The following RABGAP1L variants were observed in gnomAD, a reference collection of about 807,000 sequenced individuals.
The protein encoded by RABGAP1L is RAB GTPase activating protein 1 like.
RABGAP1L carries 63 observed loss-of-function variants against 137.7 expected under a neutral mutation model. That is an observed-to-expected ratio of 0.46 (90% CI 0.37 to 0.56). The LOEUF is 0.56. Among genes scored for constraint, RABGAP1L ranks in the 20% least tolerant of loss-of-function variants. The probability of loss-of-function intolerance (pLI) is 0.00; values close to 1 mark genes in which losing one functional copy is unlikely to be tolerated. For missense variants in RABGAP1L, 1,095 were observed against 1,244.0 expected, an observed-to-expected ratio of 0.88 and a Z score of 1.80; for synonymous variants, 431 against 433.7, an observed-to-expected ratio of 0.99 and a Z score of 0.08.
intron 19 of RABGAP1L, among the ~76,000 whole-genome samples, chr1:174,889,190 C>T (rs1389381576): frequency 3.3e-5 from 5 of 149,650 alleles, no homozygotes; most frequent in African/African-American, 1.2e-4. Context: ...GTAGCATGAT[C>T]TCGGCTCACT....
intron 13 of RABGAP1L, among the ~76,000 whole-genome samples, chr1:174,617,850 G>A (rs1275675975): frequency 6.6e-6 from 1 of 151,792 alleles, no homozygotes; most frequent in Admixed American, 6.6e-5. Flanking sequence ...TCATCTCACT[G>A]GAGAGTGTCA....
At chr1:174,855,740 A>G (rs954362064) in intron 19 of RABGAP1L, among the ~76,000 whole-genome samples, 1 of 152,204 alleles carries the variant, frequency 6.6e-6, no homozygotes, top group Admixed American at 6.5e-5. Flanking sequence ...GAAATTTTGA[A>G]ATGGATTTAG....
At chr1:174,407,952 A>G (rs1649469807) in intron 13 of RABGAP1L, among the ~76,000 whole-genome samples, 2 of 152,186 alleles carry the variant, frequency 1.3e-5, no homozygotes, top group Non-Finnish European at 2.9e-5. Context: ...TCAAGCAGAT[A>G]CACTCACCAC....
At chr1:174,844,136 A>G (rs1167484271) in intron 19 of RABGAP1L, among the ~76,000 whole-genome samples, 1 of 149,124 alleles carries the variant, frequency 6.7e-6, no homozygotes, top group Non-Finnish European at 1.5e-5. Context: ...CCTTTGTCAG[A>G]TGAGTAGGTT....
rs1002707456 is a variant in RABGAP1L at position 174,728,244 on chromosome 1, A to G, written c.2170-24069A>G. On this transcript the variant is annotated intron_variant, in intron 17 of 25. Transcript: ENST00000681986. ...TAAATTTTTACAGCATTAAAAAATG[A>G]AAAGCTAAACAAATTAGCAACTTCA... is the stretch of plus-strand genomic sequence containing the variant. 1.3e-4 allele frequency among the ~76,000 whole-genome samples: 20 copies of G among 152,366 alleles called. 1 individual carries two copies. Among genetic ancestry groups the G allele is most frequent in the Admixed American group, 1.3e-3 (20 of 15,306 alleles).
At chr1:174,817,427 C>T (rs908027549) in intron 19 of RABGAP1L, among the ~76,000 whole-genome samples, 1 of 152,082 alleles carries the variant, frequency 6.6e-6, no homozygotes, top group Non-Finnish European at 1.5e-5. Flanking sequence ...ATGTTTCATG[C>T]AGACAATATG....
At chr1:174,237,839 T>C (rs1371519646) in intron 4 of RABGAP1L, among the ~76,000 whole-genome samples, 1 of 150,922 alleles carries the variant, frequency 6.6e-6, no homozygotes. Flanking sequence ...TTGGGGAAAT[T>C]CTCCTGGATA....
At chr1:174,280,263 C>A (rs935818642) in intron 10 of RABGAP1L, among the ~76,000 whole-genome samples, 1 of 152,100 alleles carries the variant, frequency 6.6e-6, no homozygotes, top group African/African-American at 2.4e-5. Context: ...TGTTGGTCTA[C>A]ACTATACAAC....
chr1:174,160,272 C>G (rs1366593763), intron 1 of RABGAP1L, among the ~76,000 whole-genome samples: 1 of 136,648 alleles, frequency 7.3e-6, no homozygotes, highest in Non-Finnish European at 1.6e-5. Context: ...AAACACCTCC[C>G]CCCAACCCCC....
At chr1:174,766,556 A>T (rs1181819343) in intron 18 of RABGAP1L, among the ~76,000 whole-genome samples, 1 of 152,150 alleles carries the variant, frequency 6.6e-6, no homozygotes, top group African/African-American at 2.4e-5. Flanking sequence ...CTCTTTCAAG[A>T]TTGTTTTGGC....
At chr1:174,373,365 A>G (rs1471636339) in intron 12 of RABGAP1L, among the ~76,000 whole-genome samples, 1 of 152,166 alleles carries the variant, frequency 6.6e-6, no homozygotes, top group African/African-American at 2.4e-5. Flanking sequence ...CAGAAAGGAG[A>G]TATTATGATT....
At chr1:174,390,355 A>G (rs888545223) in intron 12 of RABGAP1L, among the ~76,000 whole-genome samples, 4 of 152,228 alleles carry the variant, frequency 2.6e-5, no homozygotes, top group Admixed American at 2.6e-4. Flanking sequence ...CAATTGAGTT[A>G]GATTATATTA....
chr1:174,722,982 G>C (rs539619458), intron 17 of RABGAP1L, among the ~76,000 whole-genome samples: 1 of 152,296 alleles, frequency 6.6e-6, no homozygotes, highest in South Asian at 2.1e-4. Flanking sequence ...CAGAACTGAT[G>C]AACATTTTCA....
intron 19 of RABGAP1L, among the ~76,000 whole-genome samples, chr1:174,849,307 C>T (rs974461999): frequency 6.6e-6 from 1 of 152,162 alleles, no homozygotes; most frequent in Admixed American, 6.5e-5. Flanking sequence ...GAAGAATGAA[C>T]TAAACACCTA....
rs147243506 is a variant in RABGAP1L, at chr1:174,739,808, A to G, written c.2170-12505A>G. 3.9e-5 allele frequency among the ~76,000 whole-genome samples: 6 copies of G among 152,324 alleles called. No individual in the cohort carries two copies. In the East Asian group the frequency reaches 9.6e-4, roughly 24 times the overall value. ...ATAATGGCCTATATGCCGGATTAAT[A>G]TTTTTACAGTTGAATGAAACTATAT... is the stretch of plus-strand genomic sequence containing the variant. On this transcript the variant is annotated intron_variant, in intron 17 of 25. Coordinates refer to ENST00000681986, the MANE Select transcript of RABGAP1L (RefSeq NM_001366446.1).
chr1:174,328,488 G>T (rs929197612), intron 11 of RABGAP1L, among the ~76,000 whole-genome samples: 1 of 152,090 alleles, frequency 6.6e-6, no homozygotes, highest in Non-Finnish European at 1.5e-5. Flanking sequence ...AAAATTTCTT[G>T]GCCGGGCACG....
At chr1:174,943,587 G>A (rs1045505410) in intron 19 of RABGAP1L, among the ~76,000 whole-genome samples, 1 of 152,184 alleles carries the variant, frequency 6.6e-6, no homozygotes, top group African/African-American at 2.4e-5. Context: ...TGTAATCCCA[G>A]CACTTTGGGA....
intron 13 of RABGAP1L, among the ~76,000 whole-genome samples, chr1:174,635,012 A>T (rs1371725412): frequency 2.0e-5 from 3 of 151,042 alleles, no homozygotes; most frequent in Non-Finnish European, 4.4e-5. Flanking sequence ...GTGCACATGT[A>T]CCCTAAAACT....
chr1:174,578,871 AG>A (rs1458163009), intron 13 of RABGAP1L, among the ~76,000 whole-genome samples: 1 of 152,192 alleles, frequency 6.6e-6, no homozygotes, highest in Non-Finnish European at 1.5e-5. Context: ...TAGAGAAGAT[AG>A]TTTTGTGAAC....
Sources: allele counts gnomAD v4.1 joint callset (sites outside exome capture counted in the v4.1 genomes callset), GRCh38; gene constraint gnomAD v4.1.1; transcripts MANE v1.5; gene names NCBI Gene and HGNC (gene_info 2026-07-23, HGNC 2026-07-21).